The following VIL1 variants were observed in gnomAD, a reference collection of about 807,000 sequenced individuals.
VIL1 encodes villin 1.
VIL1 carries 86 observed loss-of-function variants against 104.0 expected under a neutral mutation model. The observed-to-expected ratio is 0.83, with a 90% CI of 0.69 to 0.99. The LOEUF (loss-of-function observed/expected upper bound fraction) is 0.99. VIL1 is among the 50% of genes least tolerant of loss of function. The probability of loss-of-function intolerance (pLI) is 0.00; values close to 1 mark genes in which losing one functional copy is unlikely to be tolerated. For missense variants in VIL1, 944 were observed against 1,054.1 expected (o/e 0.90, Z 1.45); for synonymous variants, 394 against 412.6 (o/e 0.95, Z 0.55).
At chr2:218,431,156 C>T in intron 10 of VIL1, 1 of 540,128 alleles carries the variant, frequency 1.9e-6, no homozygotes, top group Non-Finnish European at 3.3e-6. Flanking sequence ...TGAGATTAGC[C>T]TAACATGGTG....
At chr2:218,427,556 C>T (rs920169830) in intron 4 of VIL1, among the ~76,000 whole-genome samples, 9 of 152,206 alleles carry the variant, frequency 5.9e-5, no homozygotes, top group Admixed American at 2.0e-4. Flanking sequence ...GAACTCCTGA[C>T]CTCAAATGAT....
intron 19 of VIL1, among the ~76,000 whole-genome samples, chr2:218,444,030 A>G (rs1005938495): frequency 2.0e-5 from 3 of 151,788 alleles, no homozygotes; most frequent in Admixed American, 1.3e-4. Flanking sequence ...CAATGGTACA[A>G]TCTCGGCTCA....
intron 19 of VIL1, among the ~76,000 whole-genome samples, chr2:218,443,705 A>C (rs563730191): frequency 1.3e-5 from 2 of 152,276 alleles, no homozygotes; most frequent in South Asian, 2.1e-4. Flanking sequence ...CCCAGGCTGA[A>C]GTGAAGTGGC....
intron 15 of VIL1, among the ~76,000 whole-genome samples, 170 bp from the exon 16 acceptor site, chr2:218,436,312 C>A (rs1309111401): frequency 6.6e-6 from 1 of 152,098 alleles, no homozygotes; most frequent in African/African-American, 2.4e-5. Context: ...ACAATTTCTT[C>A]CTCAGAGCAC....
intron 12 of VIL1, chr2:218,432,387 C>T: frequency 1.2e-6 from 1 of 842,254 alleles, no homozygotes; most frequent in South Asian, 1.5e-5. Context: ...GTCTCCCTTC[C>T]AATTTTCATT....
intron 18 of VIL1, among the ~76,000 whole-genome samples, 200 bp downstream of exon 18, chr2:218,438,926 A>ATTTTTTTT (rs34676834): frequency 9.3e-6 from 1 of 107,658 alleles, no homozygotes; most frequent in African/African-American, 3.6e-5. Flanking sequence ...ATGGTTCTCA[A>ATTTTTTTT]TTTTTTTTTT....
At chr2:218,436,690 T>G in intron 16 of VIL1, 64 bp downstream of exon 16, 1 of 1,569,722 alleles carries the variant, frequency 6.4e-7, no homozygotes, top group South Asian at 1.2e-5. Flanking sequence ...CAAGAAAGAG[T>G]GGCTTTAAGG....
intron 18 of VIL1, 46 bp from the exon 19 acceptor site, chr2:218,440,676 G>A (rs770240428): frequency 1.2e-5 from 19 of 1,611,452 alleles, no homozygotes; most frequent in Non-Finnish European, 1.4e-5. Context: ...CTGGGAGGTA[G>A]CTGTGCACCA....
intron 1 of VIL1, among the ~76,000 whole-genome samples, chr2:218,420,428 C>CAA (rs71064447): frequency 0.018 from 1,460 of 79,298 alleles, 63 homozygotes; most frequent in African/African-American, 0.036. Flanking sequence ...GACTCTGTCT[C>CAA]AAAAAAAAAA....
At position 218,440,797 on chromosome 2, in the gene VIL1, C is replaced by T. The variant is rs749680614; in HGVS notation, c.2305C>T (p.Leu769=). The T allele has an allele frequency of 1.2e-5, 20 of 1,614,070 alleles. No homozygotes were observed. Among genetic ancestry groups the T allele is most frequent in the African/African-American group, 2.7e-5 (2 of 74,932 alleles). Residue 769 remains leucine, a synonymous_variant, in exon 19 of 20, where the codon CTG becomes TTG. Transcript: ENST00000248444. ...TTCTGGGCCTCTGCCCATCTTCCCCCTGGAGCAGCTAGTGAACAAGCCTGT... is the reference window on the plus strand; with the variant it reads ...TTCTGGGCCTCTGCCCATCTTCCCCTTGGAGCAGCTAGTGAACAAGCCTGT... ...LSSGPLPIFP[L]EQLVNKPVEE...
chr2:218,441,581 G>C (rs908727546), intron 19 of VIL1, among the ~76,000 whole-genome samples: 84 of 152,184 alleles, frequency 5.5e-4, no homozygotes, highest in African/African-American at 2.0e-3. Context: ...GGTGTGCAGA[G>C]CCAGGGAGGG....
chr2:218,419,500 T>C (rs1174415021), intron 1 of VIL1, among the ~76,000 whole-genome samples: 1 of 152,142 alleles, frequency 6.6e-6, no homozygotes, highest in African/African-American at 2.4e-5. Flanking sequence ...CCGGGACTAG[T>C]TGGTCTCCCT....
At position 218,448,563 on chromosome 2, in the gene VIL1, T is replaced by TA. The variant is rs533802243; in HGVS notation, c.2371-646dup. Among the ~76,000 whole-genome samples, 511 of 137,818 alleles carry TA rather than the reference T, an allele frequency of 3.7e-3. 3 individuals are homozygous for TA. The highest frequency in any genetic ancestry group is 0.016 in the South Asian group (69 of 4,354). 90.4% of individuals were successfully genotyped at this position (137,818 alleles called of 152,430 possible). A position where few individuals can be genotyped will look rare whatever the true frequency, so the allele number is the denominator to read the frequency against. ...TGGGGAACACAGTAAGACACTGTCT[T>TA]AAAAAAAAAAAAAAGTTCCCCATTT... On this transcript the variant is annotated intron_variant, in intron 19 of 19. Coordinates refer to ENST00000248444, the MANE Select transcript of VIL1 (RefSeq NM_007127.3).
chr2:218,430,246 G>A (rs1689072064), intron 9 of VIL1, among the ~76,000 whole-genome samples: 1 of 152,200 alleles, frequency 6.6e-6, no homozygotes, highest in Non-Finnish European at 1.5e-5. Flanking sequence ...GTTTGGAGAA[G>A]GGAAGGAGAA....
At chr2:218,432,016 G>A in intron 11 of VIL1, 30 bp from the exon 12 acceptor site, 1 of 1,613,910 alleles carries the variant, frequency 6.2e-7, no homozygotes, top group East Asian at 2.2e-5. Flanking sequence ...GCCTGTCCTG[G>A]ACCTCACCCT....
At chr2:218,420,586 T>G (rs1247559019) in intron 1 of VIL1, among the ~76,000 whole-genome samples, 3 of 150,312 alleles carry the variant, frequency 2.0e-5, no homozygotes, top group African/African-American at 4.9e-5. Flanking sequence ...TTGTTTTTTT[T>G]TTTTTTGTTT....
At chr2:218,423,537 C>T (rs957317600) in intron 1 of VIL1, among the ~76,000 whole-genome samples, 1 of 152,102 alleles carries the variant, frequency 6.6e-6, no homozygotes, top group Non-Finnish European at 1.5e-5. Context: ...TCATCCATCT[C>T]TCACTCCTTC....
In VIL1 at chr2:218,438,680, T is replaced by C. The variant is rs770117775; in HGVS notation, c.2183T>C (p.Leu728Pro). The C allele has an allele frequency of 2.5e-6, 4 of 1,612,578 alleles. No homozygotes were observed. The African/African-American group carries it at 4.0e-5, about 16-fold the overall frequency. The change falls in exon 18 of 20, where the codon CTG becomes CCG. Residue 728 changes from leucine (L) to proline (P), a missense_variant. Coordinates refer to ENST00000248444, the MANE Select transcript of VIL1 (RefSeq NM_007127.3). ...CAGAACACCAAATCCTATGAGGACC[T>C]GAAGGCGGAGCTTGGCAACTCTAGG... is the stretch of plus-strand genomic sequence containing the variant. ...KWSNTKSYED[L>P]KAELGNSRDW...
At chr2:218,438,423 T>C (rs758605175) in intron 17 of VIL1, among the ~76,000 whole-genome samples, 1 of 152,236 alleles carries the variant, frequency 6.6e-6, no homozygotes, top group African/African-American at 2.4e-5. Context: ...CAGGCTGAGC[T>C]GGGACAAATA....
Sources: gnomAD v4.1 joint callset for allele counts (sites outside exome capture counted in the v4.1 genomes callset) on GRCh38, gnomAD v4.1.1 for gene constraint, MANE v1.5 for transcripts, NCBI Gene and HGNC (gene_info 2026-07-23, HGNC 2026-07-21) for gene names.